Variants in AGMO observed in about 807,000 individuals in gnomAD.
AGMO encodes alkylglycerol monooxygenase.
In AGMO, 75 loss-of-function variants were observed where a neutral mutation model predicts 60.2. The observed-to-expected ratio is 1.25, with a 90% CI of 1.03 to 1.51. The LOEUF is 1.51. Among genes scored for constraint, AGMO ranks in the 40% most tolerant of loss-of-function variants. The pLI is 0.00. For synonymous variants in AGMO, 261 were observed against 177.1 expected, an observed-to-expected ratio of 1.47 and a Z score of -3.76; for missense variants, 763 against 525.5, an observed-to-expected ratio of 1.45 and a Z score of -4.42.
At chr7:15,377,681 A>C (rs542911486) in intron 10 of AGMO, among the ~76,000 whole-genome samples, 1 of 152,172 alleles carries the variant, frequency 6.6e-6, no homozygotes, top group African/African-American at 2.4e-5. Context: ...CAACAGTTGG[A>C]TATTTAGACA....
At chr7:15,333,489 TG>T (rs1781559864) in intron 12 of AGMO, among the ~76,000 whole-genome samples, 1 of 151,962 alleles carries the variant, frequency 6.6e-6, no homozygotes. Context: ...CTTTTGAACT[TG>T]GTAGTAAGTT....
At chr7:15,188,738 T>C in the AGMO span, among the ~76,000 whole-genome samples, 1 of 147,116 alleles carries the variant, frequency 6.8e-6, no homozygotes, top group Admixed American at 6.9e-5. Context: ...ATATAACGTC[T>C]GAACTGAGGT....
At chr7:15,478,844 T>C (rs926385651) in intron 3 of AGMO, among the ~76,000 whole-genome samples, 1 of 152,210 alleles carries the variant, frequency 6.6e-6, no homozygotes, top group Non-Finnish European at 1.5e-5. Flanking sequence ...TTTGTATTGA[T>C]ATTGTATATT....
chr7:15,305,550 GTTATA>G (rs1780590134), intron 12 of AGMO, among the ~76,000 whole-genome samples: 1 of 151,816 alleles, frequency 6.6e-6, no homozygotes, highest in Admixed American at 6.6e-5. Context: ...GAGTCGAATG[GTTATA>G]TTAAATATGA....
intron 3 of AGMO, among the ~76,000 whole-genome samples, chr7:15,438,115 G>C (rs1426235521): frequency 6.6e-6 from 1 of 152,032 alleles, no homozygotes; most frequent in Non-Finnish European, 1.5e-5. Flanking sequence ...TTAGTACGAA[G>C]TAAAAAGTAC....
chr7:15,187,903 C>CA, the AGMO span, among the ~76,000 whole-genome samples: 4 of 151,500 alleles, frequency 2.6e-5, no homozygotes, highest in South Asian at 2.1e-4. Context: ...ATTAACTCCC[C>CA]CCCGACTGCC....
At chr7:15,395,307 CAG>C (rs1318502166) in intron 5 of AGMO, among the ~76,000 whole-genome samples, 2 of 152,080 alleles carry the variant, frequency 1.3e-5, no homozygotes, top group East Asian at 1.9e-4. Context: ...TTTGATAAGT[CAG>C]TGTCACGGGA....
chr7:15,470,654 G>C (rs1004066452), intron 3 of AGMO, among the ~76,000 whole-genome samples: 2 of 151,708 alleles, frequency 1.3e-5, no homozygotes, highest in Non-Finnish European at 2.9e-5. Flanking sequence ...AAGCAATCTT[G>C]TATCACTTAA....
At chr7:15,251,692 C>T (rs1393350007) in intron 12 of AGMO, among the ~76,000 whole-genome samples, 1 of 152,146 alleles carries the variant, frequency 6.6e-6, no homozygotes. Context: ...TACTAGAAGG[C>T]TAGTGTTAGA....
intron 10 of AGMO, among the ~76,000 whole-genome samples, chr7:15,373,928 C>A (rs1399613269): frequency 6.6e-6 from 1 of 152,190 alleles, no homozygotes; most frequent in East Asian, 1.9e-4. Context: ...TTGCCTAACA[C>A]TGAAACCTCT....
chr7:15,257,104 G>T (rs955084623), intron 12 of AGMO, among the ~76,000 whole-genome samples: 1 of 151,908 alleles, frequency 6.6e-6, no homozygotes, highest in Non-Finnish European at 1.5e-5. Context: ...TGTATGCTGC[G>T]GTTTTAGTAT....
intron 12 of AGMO, among the ~76,000 whole-genome samples, chr7:15,274,431 C>CGTA (rs1329359751): frequency 6.6e-6 from 1 of 152,066 alleles, no homozygotes; most frequent in African/African-American, 2.4e-5. Context: ...TATTGATTTG[C>CGTA]GTATGTTGAA....
intron 12 of AGMO, among the ~76,000 whole-genome samples, chr7:15,354,176 A>G (rs760392512): frequency 5.3e-5 from 8 of 151,330 alleles, no homozygotes; most frequent in Non-Finnish European, 8.8e-5. Flanking sequence ...ATCACCCCAA[A>G]TGGCTTATTT....
At chr7:15,538,116 C>T (rs1038774241) in intron 3 of AGMO, among the ~76,000 whole-genome samples, 2 of 152,040 alleles carry the variant, frequency 1.3e-5, no homozygotes, top group Non-Finnish European at 2.9e-5. Flanking sequence ...AATCCCACTT[C>T]AAGGACTGAG....
rs540161950 is a variant in AGMO at position 15,397,398 on chromosome 7, C to T, written c.610-3219G>A. Among the ~76,000 whole-genome samples the T allele has an allele frequency of 3.3e-5, 5 of 152,100 alleles. No individual in the cohort carries two copies. The East Asian group carries it at 9.8e-4, about 30-fold the overall frequency. ...GCACCTCTCTCTCCCTCCACACCTC[C>T]CCGCAAGCAGAGGGAGTCGGCTCCG... On this transcript the variant is annotated intron_variant, in intron 5 of 12. Coordinates refer to ENST00000342526, the MANE Select transcript of AGMO (RefSeq NM_001004320.2).
chr7:15,308,190 C>T (rs552506104), intron 12 of AGMO, among the ~76,000 whole-genome samples: 1 of 152,164 alleles, frequency 6.6e-6, no homozygotes, highest in African/African-American at 2.4e-5. Flanking sequence ...TCTGCTTATC[C>T]TGTATGTTCA....
intron 10 of AGMO, among the ~76,000 whole-genome samples, chr7:15,377,495 G>A (rs1014438225): frequency 3.3e-5 from 5 of 151,942 alleles, no homozygotes; most frequent in Admixed American, 6.6e-5. Context: ...CTCATGCCCA[G>A]GCATTCAAAT....
At chr7:15,346,529 T>C (rs1219038754) in intron 12 of AGMO, among the ~76,000 whole-genome samples, 1 of 151,826 alleles carries the variant, frequency 6.6e-6, no homozygotes, top group East Asian at 1.9e-4. Context: ...TAATCCTTCT[T>C]AAATAATACG....
chr7:15,492,639 T>C (rs1783098151), intron 3 of AGMO, among the ~76,000 whole-genome samples: 1 of 152,026 alleles, frequency 6.6e-6, no homozygotes, highest in Non-Finnish European at 1.5e-5. Flanking sequence ...AATTTTTTAC[T>C]AGGTCATAAG....
Sources: gnomAD v4.1 joint callset for allele counts (sites outside exome capture counted in the v4.1 genomes callset) on GRCh38, gnomAD v4.1.1 for gene constraint, MANE v1.5 for transcripts, NCBI Gene and HGNC (gene_info 2026-07-23, HGNC 2026-07-21) for gene names.